The following MYO3B variants were observed in gnomAD, a reference collection of about 807,000 sequenced individuals.
The protein encoded by MYO3B is myosin IIIB.
MYO3B carries 156 observed loss-of-function variants against 174.6 expected under a neutral mutation model. The ratio of observed to expected loss-of-function variants is 0.89; its 90% CI spans 0.78 to 1.02. The LOEUF (loss-of-function observed/expected upper bound fraction) is 1.02, where lower values mean the gene tolerates loss of function less well. MYO3B is among the 50% of genes least tolerant of loss of function. The pLI is 0.00. For synonymous variants in MYO3B, 563 were observed against 569.1 expected (o/e 0.99, Z 0.15); for missense variants, 1,632 against 1,639.4 (o/e 1.00, Z 0.08).
chr2:170,235,426 G>T (rs2093059449), intron 6 of MYO3B, among the ~76,000 whole-genome samples: 1 of 152,220 alleles, frequency 6.6e-6, no homozygotes, highest in African/African-American at 2.4e-5. Context: ...TGGAATGGCA[G>T]TTGTTTCTGT....
At chr2:170,401,712 A>G in intron 18 of MYO3B, 21 bp downstream of exon 18, 1 of 1,607,552 alleles carries the variant, frequency 6.2e-7, no homozygotes. Context: ...CGGAGAGCAG[A>G]GGGTCTCAGG....
intron 6 of MYO3B, among the ~76,000 whole-genome samples, chr2:170,221,043 C>A (rs1173100918): frequency 6.6e-6 from 1 of 152,178 alleles, no homozygotes; most frequent in African/African-American, 2.4e-5. Flanking sequence ...CAATTCAATT[C>A]AACAAGCATT....
intron 24 of MYO3B, among the ~76,000 whole-genome samples, chr2:170,464,344 CAAAAAAA>C (rs55671996): frequency 1.0e-5 from 1 of 98,222 alleles, no homozygotes. Context: ...GACTCCCTCT[CAAAAAAA>C]AAAAAAAAAA....
chr2:170,344,208 C>G (rs2093998458), intron 8 of MYO3B: 3 of 152,324 alleles, frequency 2.0e-5, no homozygotes, highest in Non-Finnish European at 2.9e-5. Flanking sequence ...TGGCTCATGC[C>G]TGTAATCCTA....
chr2:170,609,675 T>G (rs1038744129), intron 32 of MYO3B, among the ~76,000 whole-genome samples: 1 of 152,266 alleles, frequency 6.6e-6, no homozygotes, highest in African/African-American at 2.4e-5. Flanking sequence ...TCAATGCTGC[T>G]TATTCTCAGC....
chr2:170,423,419 T>C (rs2094634247), intron 22 of MYO3B, among the ~76,000 whole-genome samples: 1 of 152,170 alleles, frequency 6.6e-6, no homozygotes, highest in South Asian at 2.1e-4. Flanking sequence ...GCCCTTCTTG[T>C]TGATCCTCCC....
chr2:170,537,200 C>CAA (rs1195145091), intron 30 of MYO3B, among the ~76,000 whole-genome samples: 3 of 15,642 alleles, frequency 1.9e-4, no homozygotes, highest in South Asian at 2.2e-3. Flanking sequence ...GACTCTGTCT[C>CAA]AAAAAAAAAA....
chr2:170,289,417 A>G (rs1363931539), intron 7 of MYO3B, among the ~76,000 whole-genome samples: 2 of 151,910 alleles, frequency 1.3e-5, no homozygotes, highest in Admixed American at 6.6e-5. Flanking sequence ...GAGGTTTTCT[A>G]TTTCTTCATG....
chr2:170,598,197 T>C (rs1289927230), intron 32 of MYO3B, among the ~76,000 whole-genome samples: 2 of 152,198 alleles, frequency 1.3e-5, no homozygotes, highest in Non-Finnish European at 1.5e-5. Flanking sequence ...AATCACTCTA[T>C]TGGAGAAAAC....
At chr2:170,650,331 A>G (rs1437981857) in intron 32 of MYO3B, among the ~76,000 whole-genome samples, 1 of 152,084 alleles carries the variant, frequency 6.6e-6, no homozygotes, top group Non-Finnish European at 1.5e-5. Flanking sequence ...GGGAACAAAT[A>G]TTTTGGTATT....
chr2:170,309,411 C>T (rs1002772748), intron 7 of MYO3B, among the ~76,000 whole-genome samples: 18 of 152,034 alleles, frequency 1.2e-4, no homozygotes, highest in African/African-American at 4.4e-4. Flanking sequence ...GAATGTTCTC[C>T]CCACCGCTAC....
chr2:170,369,474 C>A, intron 9 of MYO3B, 97 bp downstream of exon 9: 1 of 1,316,186 alleles, frequency 7.6e-7, no homozygotes, highest in Non-Finnish European at 1.0e-6. Flanking sequence ...GTAGTTATTA[C>A]ATTCCTGCAT....
intron 7 of MYO3B, among the ~76,000 whole-genome samples, chr2:170,291,613 G>A (rs1289443287): frequency 6.6e-6 from 1 of 151,878 alleles, no homozygotes; most frequent in Non-Finnish European, 1.5e-5. Context: ...AAATATGTGT[G>A]GTGGTGAATT....
At position 170,318,950 on chromosome 2, in the gene MYO3B, TGAGAA is replaced by T. The variant is rs2093795698; in HGVS notation, c.750-16432_750-16428del. Reference sequence around the variant, plus strand: ...CCTATGGAACAAGCATAGTGGAACTTGAGAAGAAAGAATAGGAAAGGCTGAAGAGG... The same window carrying T: ...CCTATGGAACAAGCATAGTGGAACTTGAAAGAATAGGAAAGGCTGAAGAGG... On this transcript the variant is annotated intron_variant, in intron 7 of 34. Coordinates refer to ENST00000408978, the MANE Select transcript of MYO3B (RefSeq NM_138995.5). Among the ~76,000 whole-genome samples, 4 of 152,158 alleles carry T rather than the reference TGAGAA, an allele frequency of 2.6e-5. 1 individual carries two copies. In the South Asian group the frequency reaches 8.3e-4, roughly 32 times the overall value.
chr2:170,381,129 C>CTAAA (rs1208568992), intron 9 of MYO3B, among the ~76,000 whole-genome samples: 2 of 151,698 alleles, frequency 1.3e-5, no homozygotes, highest in Admixed American at 6.6e-5. Context: ...CTAAAAATTA[C>CTAAA]TAAATAAATA....
chr2:170,404,649 T>C (rs910054753), intron 20 of MYO3B, among the ~76,000 whole-genome samples: 3 of 152,168 alleles, frequency 2.0e-5, no homozygotes, highest in Non-Finnish European at 4.4e-5. Flanking sequence ...ACCCCCATGT[T>C]GATTTCATTT....
intron 32 of MYO3B, among the ~76,000 whole-genome samples, chr2:170,615,936 A>G (rs1695437614): frequency 6.6e-6 from 1 of 151,448 alleles, no homozygotes; most frequent in Admixed American, 6.6e-5. Flanking sequence ...CTTTCACATA[A>G]CATTTGTATG....
At chr2:170,366,360 G>A (rs2094198435) in intron 8 of MYO3B, among the ~76,000 whole-genome samples, 1 of 152,082 alleles carries the variant, frequency 6.6e-6, no homozygotes, top group African/African-American at 2.4e-5. Context: ...GAGTGTAGTG[G>A]TGGGATCATA....
Position 170,339,548 on chromosome 2 carries a change from C to T in MYO3B, c.815+4098C>T, listed in dbSNP as rs1394181710. On this transcript the variant is annotated intron_variant, in intron 8 of 34. Coordinates refer to ENST00000408978, the MANE Select transcript of MYO3B (RefSeq NM_138995.5). ...GGGTGTGTGTGTGCACGTGCATACG[C>T]GTGTAGGAGGGCCAGGAAGGCAGGA... Among the ~76,000 whole-genome samples the T allele has an allele frequency of 2.4e-4, 37 of 151,996 alleles. 2 individuals carry two copies. The highest frequency in any genetic ancestry group is 2.3e-3 in the Admixed American group (35 of 15,266).
Sources: gnomAD v4.1 joint callset for allele counts (sites outside exome capture counted in the v4.1 genomes callset) on GRCh38, gnomAD v4.1.1 for gene constraint, MANE v1.5 for transcripts, NCBI Gene and HGNC (gene_info 2026-07-23, HGNC 2026-07-21) for gene names.